PLCB4: variants seen among roughly 807,000 people sequenced by gnomAD.
PLCB4 encodes the protein phospholipase C beta 4, also known as 1-phosphatidylinositol 4,5-bisphosphate phosphodiesterase beta-4.
In PLCB4, 77 loss-of-function variants were observed where a neutral mutation model predicts 178.8. The ratio of observed to expected loss-of-function variants is 0.43; its 90% CI spans 0.36 to 0.52. PLCB4 has a LOEUF of 0.52. PLCB4 is among the 20% of genes least tolerant of loss of function. The probability of loss-of-function intolerance (pLI) is 0.00; values close to 1 mark genes in which losing one functional copy is unlikely to be tolerated. For missense variants in PLCB4, 1,024 were observed against 1,453.4 expected (o/e 0.70, Z 4.80); for synonymous variants, 496 against 490.8 (o/e 1.01, Z -0.14).
intron 2 of PLCB4, among the ~76,000 whole-genome samples, chr20:9,151,878 C>T (rs1023392440): frequency 1.3e-5 from 2 of 151,774 alleles, no homozygotes; most frequent in African/African-American, 4.8e-5. Flanking sequence ...ATGGCTTTGC[C>T]CAAAATGCTG....
intron 2 of PLCB4, among the ~76,000 whole-genome samples, chr20:9,189,875 T>G (rs1431876109): frequency 6.6e-6 from 1 of 152,138 alleles, no homozygotes; most frequent in South Asian, 2.1e-4. Flanking sequence ...AGTCACCTCC[T>G]AAAGGCCCCA....
intron 7 of PLCB4, among the ~76,000 whole-genome samples, chr20:9,351,272 G>A (rs1335520825): frequency 1.3e-5 from 2 of 151,920 alleles, no homozygotes; most frequent in African/African-American, 4.8e-5. Context: ...TGCCATGTTG[G>A]TGTGCTGCAC....
chr20:9,284,332 T>C (rs2094518961), intron 3 of PLCB4, among the ~76,000 whole-genome samples: 1 of 151,922 alleles, frequency 6.6e-6, no homozygotes, highest in South Asian at 2.1e-4. Context: ...TGAGGCAGAA[T>C]TGCAAGTGGC....
intron 3 of PLCB4, among the ~76,000 whole-genome samples, chr20:9,287,692 A>G (rs2094546980): frequency 1.3e-5 from 2 of 152,208 alleles, no homozygotes; most frequent in African/African-American, 2.4e-5. Flanking sequence ...GTATGCTAAG[A>G]TAGATTTTAA....
intron 36 of PLCB4, among the ~76,000 whole-genome samples, chr20:9,472,132 G>A (rs1162523994): frequency 6.6e-6 from 1 of 152,182 alleles, no homozygotes. Flanking sequence ...TAAAACATAA[G>A]ACTAAGTGGT....
chr20:9,286,359 T>TA (rs1273178094), intron 3 of PLCB4, among the ~76,000 whole-genome samples: 1 of 152,026 alleles, frequency 6.6e-6, no homozygotes, highest in Non-Finnish European at 1.5e-5. Context: ...GTGTTTATCA[T>TA]ATGAGGAGGT....
intron 7 of PLCB4, among the ~76,000 whole-genome samples, chr20:9,361,168 T>C (rs2035292018): frequency 6.6e-6 from 1 of 152,238 alleles, no homozygotes; most frequent in Non-Finnish European, 1.5e-5. Context: ...GTTCCACATC[T>C]GGTTATTTAT....
intron 2 of PLCB4, among the ~76,000 whole-genome samples, chr20:9,126,337 G>A (rs921820500): frequency 2.0e-5 from 3 of 152,102 alleles, no homozygotes; most frequent in Admixed American, 6.6e-5. Flanking sequence ...AGAAGTACTG[G>A]GTCAAAGAAT....
In PLCB4 at chr20:9,125,722, A is replaced by G. The variant is rs1380104467; in HGVS notation, c.-79+29380A>G. On this transcript the variant is annotated intron_variant, in intron 2 of 39. Coordinates refer to ENST00000378473, the MANE Select transcript of PLCB4 (RefSeq NM_001377142.1). ...ATTTTTACCACCCAGCCATAGCCCT[A>G]TTGATATTTGTGGGACTACCTTCCA... Among the ~76,000 whole-genome samples the G allele has an allele frequency of 7.9e-5, 12 of 152,306 alleles. 1 individual carries two copies. Among genetic ancestry groups the G allele is most frequent in the Non-Finnish European group, 5.9e-5 (4 of 68,018 alleles).
At chr20:9,333,737 T>C (rs2032034115) in intron 4 of PLCB4, among the ~76,000 whole-genome samples, 1 of 151,840 alleles carries the variant, frequency 6.6e-6, no homozygotes, top group Non-Finnish European at 1.5e-5. Context: ...CCAAGGTGGG[T>C]GGTGATGGAG....
At chr20:9,373,178 G>T in intron 12 of PLCB4, 74 bp downstream of exon 12, 1 of 710,938 alleles carries the variant, frequency 1.4e-6, no homozygotes, top group East Asian at 2.7e-5. Flanking sequence ...CTCATTGCAT[G>T]CCTGCATCAT....
intron 1 of PLCB4, among the ~76,000 whole-genome samples, chr20:9,075,129 T>C (rs1313548020): frequency 6.6e-6 from 1 of 152,098 alleles, no homozygotes; most frequent in Non-Finnish European, 1.5e-5. Context: ...GAAACTGAGG[T>C]TAGGAGATGT....
intron 22 of PLCB4, 106 bp from the exon 23 acceptor site, chr20:9,408,527 C>T: frequency 1.8e-6 from 1 of 556,148 alleles, no homozygotes; most frequent in Non-Finnish European, 3.2e-6. Context: ...TAGCATTAGC[C>T]TCCAAGGCCT....
chr20:9,415,957 C>T lies in PLCB4; in HGVS notation c.2052-3850C>T, dbSNP rs142878240. On this transcript the variant is annotated intron_variant, in intron 25 of 39. Coordinates refer to ENST00000378473, the MANE Select transcript of PLCB4 (RefSeq NM_001377142.1). The stretch of plus-strand genomic sequence containing the variant: ...GGCAACCTCTGCTGCTCTCTCAGAC[C>T]GCCTTGGACCCAGAACAGATGCTCC... 4.3e-4 allele frequency among the ~76,000 whole-genome samples: 66 copies of T among 152,276 alleles called. No homozygotes were observed. In the East Asian group the frequency reaches 6.8e-3, roughly 16 times the overall value.
chr20:9,236,073 C>A (rs2093989680), intron 3 of PLCB4, among the ~76,000 whole-genome samples: 1 of 152,156 alleles, frequency 6.6e-6, no homozygotes, highest in South Asian at 2.1e-4. Context: ...GCGGGATCCC[C>A]CTTCAGGGCT....
At chr20:9,191,345 A>ATTTTT (rs71184136) in intron 2 of PLCB4, among the ~76,000 whole-genome samples, 22 of 58,858 alleles carry the variant, frequency 3.7e-4, no homozygotes, top group Admixed American at 7.8e-4. Flanking sequence ...CTAGATAGGC[A>ATTTTT]TTTTTTTTTT....
At chr20:9,291,946 A>G in intron 3 of PLCB4, among the ~76,000 whole-genome samples, 1 of 152,194 alleles carries the variant, frequency 6.6e-6, no homozygotes, top group Non-Finnish European at 1.5e-5. Context: ...CTCCTGTATA[A>G]TAATAGCAAA....
At chr20:9,232,677 C>T (rs2093946423) in intron 3 of PLCB4, among the ~76,000 whole-genome samples, 1 of 152,024 alleles carries the variant, frequency 6.6e-6, no homozygotes, top group Non-Finnish European at 1.5e-5. Flanking sequence ...GTGCAAAGGA[C>T]TAAAGATCAG....
At chr20:9,239,051 A>G (rs964522290) in intron 3 of PLCB4, among the ~76,000 whole-genome samples, 6 of 152,232 alleles carry the variant, frequency 3.9e-5, no homozygotes, top group Admixed American at 2.0e-4. Context: ...AAAGATTTAT[A>G]TAAACTACAA....
Sources: allele counts gnomAD v4.1 joint callset (sites outside exome capture counted in the v4.1 genomes callset), GRCh38; gene constraint gnomAD v4.1.1; transcripts MANE v1.5; gene names NCBI Gene and HGNC (gene_info 2026-07-23, HGNC 2026-07-21).